SEMA4C: variants seen among roughly 807,000 people sequenced by gnomAD.
SEMA4C encodes the protein semaphorin 4C.
SEMA4C carries 19 observed loss-of-function variants against 89.0 expected under a neutral mutation model. That is an observed-to-expected ratio of 0.21 (90% CI 0.15 to 0.31). SEMA4C has a LOEUF of 0.31. Ranked by LOEUF, SEMA4C falls within the 10% of genes least tolerant of loss-of-function variation. SEMA4C has a pLI of 1.00. For missense variants in SEMA4C, 811 were observed against 1,107.0 expected, an observed-to-expected ratio of 0.73 and a Z score of 3.79; for synonymous variants, 428 against 472.7, an observed-to-expected ratio of 0.91 and a Z score of 1.23.
chr2:96,860,479 A>G lies in SEMA4C; in HGVS notation c.*147T>C, dbSNP rs1263092848. On this transcript the variant is annotated 3_prime_UTR_variant, in exon 15 of 15. Transcript: ENST00000305476. ...AAGTGGCAGTGCCCGTGCTGAGCAG[A>G]GCAGGTCCTCATGGCCGGGTGGGTG... The G allele has an allele frequency of 2.3e-5, 16 of 701,950 alleles. No individual in the cohort carries two copies. Among genetic ancestry groups the G allele is most frequent in the Non-Finnish European group, 3.7e-5 (16 of 434,250 alleles). The allele number at this position is 701,950 out of a possible 1,614,324, so 43.5% of individuals were successfully genotyped here.
At chr2:96,869,206 C>G in intron 1 of SEMA4C, 1 of 985,394 alleles carries the variant, frequency 1.0e-6, no homozygotes, top group Non-Finnish European at 1.2e-6. Context: ...GGGCCGCACC[C>G]CGTGGCGTGC....
In SEMA4C at chr2:96,868,010, C is replaced by T; in HGVS notation, c.-37-87G>A. ...CAGCAGGAGAGGCCACAGGACTCCT[C>T]ATCAGGCCTTCCAGGAGCCCCGGTG... On this transcript the variant is annotated intron_variant, in intron 1 of 14. Coordinates refer to ENST00000305476, the MANE Select transcript of SEMA4C (RefSeq NM_017789.5). 3 of 1,518,968 alleles carry T rather than the reference C, an allele frequency of 2.0e-6. No homozygotes were observed. In the Admixed American group the frequency reaches 6.3e-5, roughly 32 times the overall value. 94.1% of individuals were successfully genotyped at this position (1,518,968 alleles called of 1,614,324 possible). A position where few individuals can be genotyped will look rare whatever the true frequency, so the allele number is the denominator to read the frequency against.
Position 96,864,374 on chromosome 2 carries a change from A to G in SEMA4C, c.971T>C (p.Met324Thr), listed in dbSNP as rs567271916. Reference sequence around the variant, plus strand: ...GTACTCACAGATGGCCGACAGGTACATGTCACCCCTGTCACAGCGAGAGGG... The same window carrying G: ...GTACTCACAGATGGCCGACAGGTACGTGTCACCCCTGTCACAGCGAGAGGG... The part of the protein sequence containing the change: ...FGVFQAQWGD[M>T]YLSAICEYQL... Residue 324 changes from methionine (M) to threonine (T), a missense_variant, in exon 10 of 15, where the codon ATG becomes ACG. Met to Thr is a moderately conservative substitution (Grantham distance 81). Around this residue, in one of 4 missense-constraint regions of SEMA4C, gnomAD observed 441 missense variants for 664.9 expected, o/e 0.66. Transcript: ENST00000305476. This position sits in a 1 kb window ranked among gnomAD's most constrained non-coding sequence, Gnocchi z 6.3. 6.2e-7 allele frequency: 1 copy of G among 1,613,614 alleles called. No homozygotes were observed. Among genetic ancestry groups the G allele is most frequent in the African/African-American group, 1.3e-5 (1 of 75,004 alleles).
rs756308263 is a variant in SEMA4C at position 96,865,781 on chromosome 2, G to A, written c.322-17C>T. The A allele has an allele frequency of 6.2e-7, 1 of 1,613,926 alleles. No individual in the cohort carries two copies. Among genetic ancestry groups the A allele is most frequent in the South Asian group, 1.1e-5 (1 of 91,076 alleles). ...GCACTCGGTCTGGGGGCAGAAAGGT[G>A]TCCGGTTAGTGAGAGCGCGAGGGCC... On this transcript the variant is annotated splice_polypyrimidine_tract_variant and intron_variant, in intron 4 of 14. Transcript: ENST00000305476.
intron 3 of SEMA4C, 132 bp from the exon 4 acceptor site, chr2:96,866,061 T>C (rs2153364657): frequency 1.8e-6 from 2 of 1,098,990 alleles, no homozygotes; most frequent in Middle Eastern, 2.2e-4. Flanking sequence ...GGACTTCCTT[T>C]AGTACAGAAT....
At chr2:96,868,468 C>T in intron 1 of SEMA4C, 1 of 993,920 alleles carries the variant, frequency 1.0e-6, no homozygotes, top group Non-Finnish European at 1.2e-6. Context: ...TCCCCTTCCC[C>T]AGCGCAGACA....
chr2:96,869,929 G>A lies in SEMA4C; in HGVS notation c.-91C>T. On this transcript the variant is annotated 5_prime_UTR_variant, in exon 1 of 15. Transcript: ENST00000305476. ...GCCGCCCTCGCGTTCGGCTCTGACC[G>A]CCGTCCACCCCTGCCCCCGCGTCGC... is the stretch of plus-strand genomic sequence containing the variant. The A allele has an allele frequency of 2.0e-6, 2 of 986,596 alleles. No homozygotes were observed. Among genetic ancestry groups the A allele is most frequent in the Non-Finnish European group, 2.4e-6 (2 of 830,454 alleles). The allele number at this position is 986,596 out of a possible 1,614,324, so 61.1% of individuals were successfully genotyped here. A position where few individuals can be genotyped will look rare whatever the true frequency, so the allele number is the denominator to read the frequency against.
At chr2:96,867,558 C>T (rs1182735910) in intron 2 of SEMA4C, among the ~76,000 whole-genome samples, 1 of 152,150 alleles carries the variant, frequency 6.6e-6, no homozygotes. Context: ...AGGCAGAAGG[C>T]TCTCCCCCTC....
intron 1 of SEMA4C, chr2:96,869,166 G>C (rs1211382603): frequency 2.0e-6 from 2 of 985,276 alleles, no homozygotes; most frequent in African/African-American, 1.7e-5. Context: ...AAACGCCCGC[G>C]GCCTCATCTC....
At position 96,864,126 on chromosome 2, in the gene SEMA4C, C is replaced by G; in HGVS notation, c.1130G>C (p.Arg377Pro). 1 of 1,612,282 alleles carries G rather than the reference C, an allele frequency of 6.2e-7. No individual in the cohort carries two copies. The highest frequency in any genetic ancestry group is 8.5e-7 in the Non-Finnish European group (1 of 1,179,896). Residue 377 changes from arginine (R) to proline (P), a missense_variant, in exon 11 of 15, where the codon CGC becomes CCC. Physicochemically the swap from Arg to Pro is moderately radical, Grantham distance 103. This residue lies in a region of SEMA4C where 441 missense variants were observed against 664.9 expected (regional missense o/e 0.66). Coordinates refer to ENST00000305476, the MANE Select transcript of SEMA4C (RefSeq NM_017789.5). The surrounding 1 kb of genome is among the most constrained non-coding windows in gnomAD (Gnocchi z 6.3). ...CTCCAGGGAGCTGGTGTAGCCGTGG[C>G]GCCGATGCCAGTTGTTAATGCACTG... ...PGSCINNWHRRHGYTSSLELP... is the reference protein window; with the variant it reads ...PGSCINNWHRPHGYTSSLELP...
chr2:96,860,458 G>A lies in SEMA4C; in HGVS notation c.*168C>T. ...GGTGCCCTGGTGAGCCACACCAAGT[G>A]GCAGTGCCCGTGCTGAGCAGAGCAG... On this transcript the variant is annotated 3_prime_UTR_variant, in exon 15 of 15. Coordinates refer to ENST00000305476, the MANE Select transcript of SEMA4C (RefSeq NM_017789.5). 1 of 565,246 alleles carries A rather than the reference G, an allele frequency of 1.8e-6. No individual in the cohort carries two copies. The highest frequency in any genetic ancestry group is 3.0e-6 in the Non-Finnish European group (1 of 335,278). The allele number at this position is 565,246 out of a possible 1,614,324, so 35.0% of individuals were successfully genotyped here. A position where few individuals can be genotyped will look rare whatever the true frequency, so the allele number is the denominator to read the frequency against.
Position 96,861,872 on chromosome 2 carries a change from C to A in SEMA4C, c.1466G>T (p.Arg489Leu). Residue 489 changes from arginine (R) to leucine (L), a missense_variant, in exon 13 of 15, where the codon CGC (arginine) becomes CTC (leucine). Arg to Leu is a moderately radical substitution (Grantham distance 102). Transcript: ENST00000305476. This position sits in a 1 kb window ranked among gnomAD's most constrained non-coding sequence, Gnocchi z 7.8. ...QSKKLLFAGS[R>L]SQLVQLPVAD... The stretch of plus-strand genomic sequence containing the variant: ...CACGGGCAGCTGCACCAGCTGAGAG[C>A]GGGAGCCGGCAAAGAGCAGCTTCTG... The A allele has an allele frequency of 6.2e-7, 1 of 1,611,438 alleles. No homozygotes were observed. Among genetic ancestry groups the A allele is most frequent in the Non-Finnish European group, 8.5e-7 (1 of 1,179,442 alleles).
In SEMA4C at chr2:96,864,607, G is replaced by C; in HGVS notation, c.962+98C>G. ...TTGGCTTCTGGACACCTGGCTTCCG[G>C]GACTGCCTCTGAGGCCTGGTCCAGG... On this transcript the variant is annotated intron_variant, in intron 9 of 14. Transcript: ENST00000305476. This position sits in a 1 kb window ranked among gnomAD's most constrained non-coding sequence, Gnocchi z 6.3. 2 of 1,454,484 alleles carry C rather than the reference G, an allele frequency of 1.4e-6. No homozygotes were observed. Among genetic ancestry groups the C allele is most frequent in the Non-Finnish European group, 1.9e-6 (2 of 1,075,556 alleles). 90.1% of individuals were successfully genotyped at this position (1,454,484 alleles called of 1,614,324 possible).
intron 1 of SEMA4C, 105 bp from the exon 2 acceptor site, chr2:96,868,028 C>A: frequency 7.0e-7 from 1 of 1,427,588 alleles, no homozygotes; most frequent in Non-Finnish European, 9.4e-7. Context: ...CTTCCAGGAG[C>A]CCCGGTGCCC....
upstream of SEMA4C, chr2:96,870,533 G>C: frequency 1.0e-6 from 1 of 984,184 alleles, no homozygotes; most frequent in Non-Finnish European, 1.2e-6. Context: ...CTTTTGGGGC[G>C]GACCAGAGGG....
At chr2:96,863,658 G>A (rs761817851) in intron 12 of SEMA4C, 24 bp downstream of exon 12, 8 of 1,587,018 alleles carry the variant, frequency 5.0e-6, no homozygotes, top group Non-Finnish European at 6.9e-6. Flanking sequence ...TGGGGACAGT[G>A]GCAGATAGGG....
At chr2:96,863,839 C>T (rs777215558) in intron 11 of SEMA4C, 45 bp from the exon 12 acceptor site, 24 of 1,604,190 alleles carry the variant, frequency 1.5e-5, no homozygotes, top group East Asian at 4.5e-5. Flanking sequence ...GGCACAAGGC[C>T]GTGGGGCAGC....
chr2:96,869,946 C>G lies in SEMA4C; in HGVS notation c.-108G>C. On this transcript the variant is annotated 5_prime_UTR_variant, in exon 1 of 15. Transcript: ENST00000305476. ...CTCTGACCGCCGTCCACCCCTGCCC[C>G]CGCGTCGCCGCCTGCCCGCGCTCGC... The G allele has an allele frequency of 1.6e-5, 16 of 987,026 alleles. No homozygotes were observed. The highest frequency in any genetic ancestry group is 1.8e-5 in the Non-Finnish European group (15 of 830,832). 61.1% of individuals were successfully genotyped at this position (987,026 alleles called of 1,614,324 possible).
In SEMA4C at chr2:96,864,129, C is replaced by T. The variant is rs141566073; in HGVS notation, c.1127G>A (p.Arg376Gln). Residue 376 changes from arginine (R) to glutamine (Q), a missense_variant, in exon 11 of 15, where the codon CGG becomes CAG. Coordinates refer to ENST00000305476, the MANE Select transcript of SEMA4C (RefSeq NM_017789.5). This position sits in a 1 kb window ranked among gnomAD's most constrained non-coding sequence, Gnocchi z 6.3. Reference protein sequence around the residue: ...RPGSCINNWHRRHGYTSSLEL... With the variant: ...RPGSCINNWHQRHGYTSSLEL... ...CAGGGAGCTGGTGTAGCCGTGGCGC[C>T]GATGCCAGTTGTTAATGCACTGGGG... 9 of 1,612,056 alleles carry T rather than the reference C, an allele frequency of 5.6e-6. No homozygotes were observed. The highest frequency in any genetic ancestry group is 3.3e-5 in the South Asian group (3 of 91,052).
Sources: allele counts gnomAD v4.1 joint callset (sites outside exome capture counted in the v4.1 genomes callset), GRCh38; gene constraint gnomAD v4.1.1; regional missense constraint gnomAD v4.1.1; non-coding constraint Gnocchi (gnomAD v3.1); transcripts MANE v1.5; gene names NCBI Gene and HGNC (gene_info 2026-07-23, HGNC 2026-07-21).